The following GABRG2 variants were observed in gnomAD, a reference collection of about 807,000 sequenced individuals.
GABRG2 encodes gamma-aminobutyric acid receptor subunit gamma-2.
Under a neutral mutation model 56.4 loss-of-function variants are expected in GABRG2, and 16 were observed. The observed-to-expected ratio is 0.28, with a 90% CI of 0.19 to 0.43. The LOEUF (loss-of-function observed/expected upper bound fraction) is 0.43. GABRG2 is among the 20% of genes least tolerant of loss of function. GABRG2 has a pLI of 1.00. For synonymous variants in GABRG2, 208 were observed against 205.5 expected (o/e 1.01, Z -0.10); for missense variants, 327 against 582.7 (o/e 0.56, Z 4.52).
intron 8 of GABRG2, chr5:162,151,388 C>T (rs1472327875): frequency 1.3e-5 from 3 of 224,646 alleles, no homozygotes; most frequent in South Asian, 1.6e-4. Flanking sequence ...TTAAGTTATC[C>T]GTGATGATAA....
intron 6 of GABRG2, among the ~76,000 whole-genome samples, chr5:162,127,134 A>G (rs538806993): frequency 2.0e-5 from 3 of 152,114 alleles, no homozygotes; most frequent in Non-Finnish European, 4.4e-5. Context: ...AATGGAGATT[A>G]AGATAGCAGG....
At chr5:162,150,046 G>T (rs928049699) in intron 8 of GABRG2, 1 of 160,022 alleles carries the variant, frequency 6.2e-6, no homozygotes, top group African/African-American at 2.4e-5. Flanking sequence ...GTGTATGGAG[G>T]TGGAATGTGG....
rs1193498428 is a variant in GABRG2, at chr5:162,097,862, T to C, written c.548+4T>C. On this transcript the variant is annotated splice_donor_region_variant and intron_variant, in intron 4 of 9. Transcript: ENST00000639213. ...GTCGAGTGCTCTACACCCTAAGGTA[T>C]TCTTTTGCAAAAGGAAAGGAGTAAT... 1 of 1,610,516 alleles carries C rather than the reference T, an allele frequency of 6.2e-7. No homozygotes were observed. The highest frequency in any genetic ancestry group is 1.1e-5 in the South Asian group (1 of 91,014).
At chr5:162,125,785 C>T (rs1408906565) in intron 6 of GABRG2, among the ~76,000 whole-genome samples, 5 of 151,688 alleles carry the variant, frequency 3.3e-5, no homozygotes, top group Admixed American at 3.3e-4. Flanking sequence ...GGAGAGACCA[C>T]TGAGGGGATG....
intron 6 of GABRG2, among the ~76,000 whole-genome samples, chr5:162,114,828 A>G (rs1395718898): frequency 6.6e-6 from 1 of 152,202 alleles, no homozygotes; most frequent in East Asian, 1.9e-4. Flanking sequence ...TAAAAATAAA[A>G]TTGCAAAGTT....
chr5:162,102,525 G>GTTGTT lies in GABRG2; in HGVS notation c.631+1227_631+1231dup, dbSNP rs1247520830. On this transcript the variant is annotated intron_variant, in intron 5 of 9. Transcript: ENST00000639213. ...TATCATCATTTTTGTTGTTGTTGTTGTTGTTTTGTTTTGTTTTGTTTTGGA... is the reference window on the plus strand; with the variant it reads ...TATCATCATTTTTGTTGTTGTTGTTGTTGTTTTGTTTTGTTTTGTTTTGTTTTGGA... 3.1e-3 allele frequency: 1,411 copies of GTTGTT among 453,858 alleles called. 22 individuals carry two copies. The highest frequency in any genetic ancestry group is 0.025 in the African/African-American group (1,263 of 49,950). The allele number at this position is 453,858 out of a possible 1,614,324, so 28.1% of individuals were successfully genotyped here.
At chr5:162,081,983 G>GT (rs998739148) in intron 1 of GABRG2, among the ~76,000 whole-genome samples, 1 of 151,886 alleles carries the variant, frequency 6.6e-6, no homozygotes, top group African/African-American at 2.4e-5. Context: ...ATCCAGCTAA[G>GT]TTTTTTCCCA....
chr5:162,133,949 C>T (rs1763940859), intron 6 of GABRG2, among the ~76,000 whole-genome samples: 1 of 152,138 alleles, frequency 6.6e-6, no homozygotes, highest in African/African-American at 2.4e-5. Flanking sequence ...TTTTCAGCTT[C>T]CTAAAGCTAA....
At chr5:162,111,043 T>A (rs554303371) in intron 6 of GABRG2, among the ~76,000 whole-genome samples, 3 of 152,252 alleles carry the variant, frequency 2.0e-5, no homozygotes, top group Admixed American at 6.5e-5. Flanking sequence ...TCGTCCTCAG[T>A]ATTTATTCAT....
intron 8 of GABRG2, 24 bp from the exon 9 acceptor site, chr5:162,151,706 T>C (rs1309560182): frequency 1.3e-6 from 2 of 1,597,826 alleles, no homozygotes; most frequent in Admixed American, 3.4e-5. Context: ...AATGCAATTC[T>C]CTTTTCTGTC....
intron 6 of GABRG2, among the ~76,000 whole-genome samples, chr5:162,125,919 A>G (rs1395625251): frequency 1.3e-5 from 2 of 151,992 alleles, no homozygotes; most frequent in African/African-American, 4.8e-5. Context: ...ATGTTGTTCC[A>G]TAGTAAGATT....
chr5:162,109,389 A>ATATATATATATATATATAT lies in GABRG2; in HGVS notation c.769+5363_769+5364insTATATATATATATATATAT, dbSNP rs1554098562. Among the ~76,000 whole-genome samples the ATATATATATATATATATAT allele has an allele frequency of 3.5e-4, 41 of 116,234 alleles. 1 individual carries two copies. Among genetic ancestry groups the ATATATATATATATATATAT allele is most frequent in the African/African-American group, 1.4e-3 (36 of 26,002 alleles). 76.3% of individuals were successfully genotyped at this position (116,234 alleles called of 152,430 possible). A position where few individuals can be genotyped will look rare whatever the true frequency, so the allele number is the denominator to read the frequency against. On this transcript the variant is annotated intron_variant, in intron 6 of 9. Transcript: ENST00000639213. ...ACATGTACCCTAGAACTTAAAGTAT[A>ATATATATATATATATATAT]ATATATATATATATATATATATATA...
At chr5:162,118,377 C>T (rs1762768215) in intron 6 of GABRG2, among the ~76,000 whole-genome samples, 1 of 151,958 alleles carries the variant, frequency 6.6e-6, no homozygotes, top group Non-Finnish European at 1.5e-5. Context: ...GTCTAGTTTT[C>T]TTTTTATAGA....
chr5:162,131,317 G>A (rs1157702540), intron 6 of GABRG2, among the ~76,000 whole-genome samples: 1 of 152,050 alleles, frequency 6.6e-6, no homozygotes, highest in Admixed American at 6.6e-5. Context: ...AAGCACATAT[G>A]TGCTAATGTG....
chr5:162,105,834 C>CACACAT (rs1554098361), intron 6 of GABRG2, among the ~76,000 whole-genome samples: 41 of 151,652 alleles, frequency 2.7e-4, no homozygotes, highest in African/African-American at 9.4e-4. Context: ...CACACACACA[C>CACACAT]ACACACACAC....
intron 1 of GABRG2, among the ~76,000 whole-genome samples, chr5:162,091,311 CATT>C (rs1351899514): frequency 6.6e-6 from 1 of 151,550 alleles, no homozygotes; most frequent in Non-Finnish European, 1.5e-5. Flanking sequence ...ATATTTGTTC[CATT>C]ATTAAGGAAT....
At chr5:162,087,160 T>G (rs1156683448) in intron 1 of GABRG2, among the ~76,000 whole-genome samples, 1 of 152,086 alleles carries the variant, frequency 6.6e-6, no homozygotes, top group African/African-American at 2.4e-5. Context: ...AATGATAATT[T>G]CAGAACATAA....
intron 6 of GABRG2, among the ~76,000 whole-genome samples, chr5:162,126,472 C>T (rs928380964): frequency 2.6e-5 from 4 of 151,912 alleles, no homozygotes; most frequent in Admixed American, 2.6e-4. Context: ...TGTGAGACTC[C>T]ACTTGACATC....
intron 4 of GABRG2, 26 bp downstream of exon 4, chr5:162,097,884 T>C (rs2113327797): frequency 1.3e-6 from 2 of 1,560,630 alleles, no homozygotes; most frequent in South Asian, 1.1e-5. Context: ...AGGAAAGGAG[T>C]AATTGTTAGG....
Sources: gnomAD v4.1 joint callset for allele counts (sites outside exome capture counted in the v4.1 genomes callset) on GRCh38, gnomAD v4.1.1 for gene constraint, MANE v1.5 for transcripts, NCBI Gene and HGNC (gene_info 2026-07-23, HGNC 2026-07-21) for gene names.